The following ZDHHC1 variants were observed in gnomAD, a reference collection of about 807,000 sequenced individuals.
The protein encoded by ZDHHC1 is zDHHC palmitoyltransferase 1, also known as palmitoyltransferase ZDHHC1.
A neutral mutation model predicts 46.9 loss-of-function variants in ZDHHC1; 45 were observed. The ratio of observed to expected loss-of-function variants is 0.96; its 90% CI spans 0.76 to 1.23. ZDHHC1 has a LOEUF of 1.23. Among genes scored for constraint, ZDHHC1 ranks in the 50% most tolerant of loss-of-function variants. The pLI is 0.00. For synonymous variants in ZDHHC1, 291 were observed against 286.0 expected (o/e 1.02, Z -0.18); for missense variants, 649 against 670.8 (o/e 0.97, Z 0.36).
At chr16:67,410,102 C>T (rs2040726972) in intron 1 of ZDHHC1, among the ~76,000 whole-genome samples, 1 of 152,104 alleles carries the variant, frequency 6.6e-6, no homozygotes, top group African/African-American at 2.4e-5. Context: ...GACACATGGG[C>T]ACTGCTGGAA....
chr16:67,394,987 G>C lies in ZDHHC1; in HGVS notation c.1165+15C>G. The C allele has an allele frequency of 1.2e-6, 2 of 1,604,180 alleles. No homozygotes were observed. The highest frequency in any genetic ancestry group is 2.2e-5 in the East Asian group (1 of 44,524). The stretch of plus-strand genomic sequence containing the variant: ...GAGTTCCCAGAGCAGGACCCGGACA[G>C]GGAGAGGCGCTCACCCGACGCCGGA... On this transcript the variant is annotated intron_variant, in intron 11 of 11. Transcript: ENST00000565726.
chr16:67,399,234 ACGGG>A, intron 5 of ZDHHC1, 117 bp downstream of exon 5: 1 of 939,500 alleles, frequency 1.1e-6, no homozygotes, highest in Non-Finnish European at 1.6e-6. Context: ...CCCGCATAAA[ACGGG>A]CACAGGTCCT....
At chr16:67,403,617 T>G (rs2040595138) in intron 3 of ZDHHC1, among the ~76,000 whole-genome samples, 1 of 149,402 alleles carries the variant, frequency 6.7e-6, no homozygotes, top group Non-Finnish European at 1.5e-5. Flanking sequence ...TGTTTTTTGT[T>G]TTTTTTTTTT....
At chr16:67,411,257 G>A (rs959029148) in intron 1 of ZDHHC1, among the ~76,000 whole-genome samples, 1 of 152,180 alleles carries the variant, frequency 6.6e-6, no homozygotes, top group Non-Finnish European at 1.5e-5. Context: ...AAGAGGGTTT[G>A]CCAGGAGAGG....
Position 67,402,228 on chromosome 16 carries a change from TTCTG to T in ZDHHC1, c.253-1100_253-1097del, listed in dbSNP as rs149609674. Among the ~76,000 whole-genome samples, 11 of 152,334 alleles carry T rather than the reference TTCTG, an allele frequency of 7.2e-5. No individual in the cohort carries two copies. In the East Asian group the frequency reaches 1.5e-3, roughly 21 times the overall value. ...CTCTATAGCCTCCCAACTCTGCGCCTTCTGTCTGAGTTCCCTTGAGTCTATGCTT... is the reference window on the plus strand; with the variant it reads ...CTCTATAGCCTCCCAACTCTGCGCCTTCTGAGTTCCCTTGAGTCTATGCTT... On this transcript the variant is annotated intron_variant, in intron 3 of 11. Coordinates refer to ENST00000565726, the MANE Select transcript of ZDHHC1 (RefSeq NM_001323627.2).
chr16:67,399,523 G>T, intron 4 of ZDHHC1, 67 bp from the exon 5 acceptor site: 2 of 1,418,868 alleles, frequency 1.4e-6, no homozygotes, highest in South Asian at 1.2e-5. Flanking sequence ...GGCCGGTCGG[G>T]GTGGTTGAGT....
chr16:67,402,601 G>A (rs1478840846), intron 3 of ZDHHC1, among the ~76,000 whole-genome samples: 1 of 152,074 alleles, frequency 6.6e-6, no homozygotes, highest in Non-Finnish European at 1.5e-5. Context: ...TAGCACTGAA[G>A]AGACTGCAGT....
chr16:67,412,949 C>T (rs377155207), intron 1 of ZDHHC1, among the ~76,000 whole-genome samples: 26 of 151,788 alleles, frequency 1.7e-4, no homozygotes, highest in African/African-American at 4.6e-4. Flanking sequence ...TACAGGTGCC[C>T]GCCGCCACGC....
chr16:67,397,676 C>T (rs938435389), intron 8 of ZDHHC1, among the ~76,000 whole-genome samples: 3 of 152,074 alleles, frequency 2.0e-5, no homozygotes, highest in Admixed American at 1.3e-4. Flanking sequence ...AGCCATGGGG[C>T]GTGGGAATGG....
At position 67,406,098 on chromosome 16, in the gene ZDHHC1, T is replaced by C. The variant is rs1168778360; in HGVS notation, c.252+102A>G. The C allele has an allele frequency of 1.4e-6, 2 of 1,466,700 alleles. No individual in the cohort carries two copies. The highest frequency in any genetic ancestry group is 1.8e-6 in the Non-Finnish European group (2 of 1,104,632). 90.9% of individuals were successfully genotyped at this position (1,466,700 alleles called of 1,614,324 possible). ...GCCCACCCTGCTCCACTCTCCTGACTGTGCTCCCCAAGGCTCTCAACCCGG... is the reference window on the plus strand; with the variant it reads ...GCCCACCCTGCTCCACTCTCCTGACCGTGCTCCCCAAGGCTCTCAACCCGG... On this transcript the variant is annotated intron_variant, in intron 3 of 11. Coordinates refer to ENST00000565726, the MANE Select transcript of ZDHHC1 (RefSeq NM_001323627.2). The surrounding 1 kb of genome is among the most constrained non-coding windows in gnomAD (Gnocchi z 4.1).
intron 8 of ZDHHC1, among the ~76,000 whole-genome samples, chr16:67,397,554 G>C (rs750938918): frequency 1.1e-4 from 16 of 152,270 alleles, no homozygotes; most frequent in Middle Eastern, 6.8e-3. Flanking sequence ...TGAGGCCTCG[G>C]GATCCAGGGC....
chr16:67,411,010 T>C (rs904278803), intron 1 of ZDHHC1, among the ~76,000 whole-genome samples: 9 of 152,090 alleles, frequency 5.9e-5, no homozygotes, highest in Admixed American at 2.0e-4. Context: ...GAAGGAAATC[T>C]TAACATTTTA....
At position 67,395,171 on chromosome 16, in the gene ZDHHC1, GCA is replaced by G; in HGVS notation, c.1104+14_1104+15del. 3.1e-6 allele frequency: 5 copies of G among 1,612,944 alleles called. No homozygotes were observed. Among genetic ancestry groups the G allele is most frequent in the Non-Finnish European group, 3.4e-6 (4 of 1,179,954 alleles). ...CCACTCCACCTGGACCGGAGGCCCA[GCA>G]CAGTCCCTCCTACCTGGGGTCGGAT... On this transcript the variant is annotated intron_variant, in intron 10 of 11. Transcript: ENST00000565726.
At chr16:67,405,372 G>C (rs2040634422) in intron 3 of ZDHHC1, among the ~76,000 whole-genome samples, 1 of 152,200 alleles carries the variant, frequency 6.6e-6, no homozygotes, top group South Asian at 2.1e-4. Flanking sequence ...GCTGAGCAGG[G>C]ACAGAGCTCA....
chr16:67,402,773 T>G (rs1167966053), intron 3 of ZDHHC1, among the ~76,000 whole-genome samples: 1 of 152,108 alleles, frequency 6.6e-6, no homozygotes. Flanking sequence ...ACTACAGGTG[T>G]TCGCCACCAC....
At chr16:67,402,738 T>C (rs577119887) in intron 3 of ZDHHC1, among the ~76,000 whole-genome samples, 1 of 152,186 alleles carries the variant, frequency 6.6e-6, no homozygotes, top group South Asian at 2.1e-4. Context: ...GTGATTCTCC[T>C]GCCTCAGCCT....
chr16:67,413,887 C>T (rs566103195), intron 1 of ZDHHC1, among the ~76,000 whole-genome samples: 3 of 143,368 alleles, frequency 2.1e-5, no homozygotes, highest in South Asian at 4.4e-4. Flanking sequence ...TGCAGTGAGC[C>T]GGGATCATGC....
Position 67,398,336 on chromosome 16 carries a change from A to T in ZDHHC1, c.815-12T>A, listed in dbSNP as rs371637118. 28 of 1,610,428 alleles carry T rather than the reference A, an allele frequency of 1.7e-5. No individual in the cohort carries two copies. The highest frequency in any genetic ancestry group is 2.1e-5 in the Non-Finnish European group (25 of 1,178,256). ...GAGCTTGTGCCACACTGGTGGGGGG[A>T]GGAGAGGGCTCAGTGCGGTGGAAGG... On this transcript the variant is annotated splice_polypyrimidine_tract_variant and intron_variant, in intron 7 of 11. Coordinates refer to ENST00000565726, the MANE Select transcript of ZDHHC1 (RefSeq NM_001323627.2).
At chr16:67,398,542 G>A (rs186433109) in intron 7 of ZDHHC1, 31 bp downstream of exon 7, 28 of 1,572,602 alleles carry the variant, frequency 1.8e-5, no homozygotes, top group African/African-American at 4.0e-5. Flanking sequence ...GGACCCCTGC[G>A]TTCCAGAAGG....
Sources: gnomAD v4.1 joint callset for allele counts (sites outside exome capture counted in the v4.1 genomes callset) on GRCh38, gnomAD v4.1.1 for gene constraint, Gnocchi (gnomAD v3.1) non-coding constraint, MANE v1.5 for transcripts, NCBI Gene and HGNC (gene_info 2026-07-23, HGNC 2026-07-21) for gene names.